The following SLFN12 variants were observed in gnomAD, a reference collection of about 807,000 sequenced individuals.
SLFN12 encodes ribonuclease SLFN12.
Under a neutral mutation model 29.1 loss-of-function variants are expected in SLFN12, and 25 were observed. The ratio of observed to expected loss-of-function variants is 0.86; its 90% CI spans 0.63 to 1.20. The LOEUF is 1.20. Among genes scored for constraint, SLFN12 ranks in the 50% most tolerant of loss-of-function variants. The pLI, the probability that SLFN12 is intolerant of heterozygous loss-of-function variation, is 0.00. For synonymous variants in SLFN12, 257 were observed against 238.7 expected (o/e 1.08, Z -0.71); for missense variants, 660 against 666.2 (o/e 0.99, Z 0.10).
chr17:35,415,900 T>C (rs1911284044), intron 3 of SLFN12, among the ~76,000 whole-genome samples: 1 of 152,200 alleles, frequency 6.6e-6, no homozygotes, highest in African/African-American at 2.4e-5. Context: ...TCTTTTATAC[T>C]GCTGGTGTGA....
Position 35,430,425 on chromosome 17 carries a change from T to C in SLFN12, c.-41+1763A>G, listed in dbSNP as rs1912244239. 2.0e-5 allele frequency: 3 copies of C among 152,256 alleles called. No homozygotes were observed. In the South Asian group the frequency reaches 6.2e-4, roughly 32 times the overall value. The allele number at this position is 152,256 out of a possible 1,614,324, so 9.4% of individuals were successfully genotyped here. A position where few individuals can be genotyped will look rare whatever the true frequency, so the allele number is the denominator to read the frequency against. ...CTTTTTGTTCAGGTTCTCACTTAGGTGAGAATGTAACCAAAACGTAAGGCC... is the reference window on the plus strand; with the variant it reads ...CTTTTTGTTCAGGTTCTCACTTAGGCGAGAATGTAACCAAAACGTAAGGCC... On this transcript the variant is annotated intron_variant, in intron 1 of 3. Transcript: ENST00000304905.
chr17:35,417,698 T>G (rs1341283519), intron 3 of SLFN12, among the ~76,000 whole-genome samples: 1 of 152,146 alleles, frequency 6.6e-6, no homozygotes, highest in Non-Finnish European at 1.5e-5. Context: ...AAACATTTTA[T>G]GATCTGCATA....
chr17:35,431,348 C>T (rs939528682), intron 1 of SLFN12, among the ~76,000 whole-genome samples: 22 of 152,102 alleles, frequency 1.4e-4, no homozygotes, highest in African/African-American at 5.3e-4. Context: ...ACACTTTAAC[C>T]CGACACAACC....
At chr17:35,418,295 T>A in intron 3 of SLFN12, among the ~76,000 whole-genome samples, 1 of 152,096 alleles carries the variant, frequency 6.6e-6, no homozygotes, top group Admixed American at 6.5e-5. Context: ...AGTTGACCCT[T>A]GAACAACATG....
intron 3 of SLFN12, among the ~76,000 whole-genome samples, chr17:35,414,810 G>C (rs1334857525): frequency 2.6e-5 from 4 of 152,016 alleles, no homozygotes; most frequent in African/African-American, 9.7e-5. Context: ...ACCTAGACAA[G>C]GAGGTGAAAG....
At chr17:35,420,928 C>T (rs927424136) in intron 2 of SLFN12, 1 of 152,276 alleles carries the variant, frequency 6.6e-6, no homozygotes, top group African/African-American at 2.4e-5. Flanking sequence ...GAAAGGGACG[C>T]CAGGCATGGT....
Position 35,411,933 on chromosome 17 carries a change from T to A in SLFN12, c.1148-6A>T, listed in dbSNP as rs1911052184. The A allele has an allele frequency of 6.5e-7, 1 of 1,537,754 alleles. No homozygotes were observed. Among genetic ancestry groups the A allele is most frequent in the African/African-American group, 1.4e-5 (1 of 72,362 alleles). ...CGTTATCCTTCCTGATAGCCCTGAA[T>A]AAGGAAATAATAATAATAAATTATA... On this transcript the variant is annotated splice_region_variant and splice_polypyrimidine_tract_variant and intron_variant, in intron 3 of 3. Transcript: ENST00000304905.
At chr17:35,413,292 G>A (rs1360998235) in intron 3 of SLFN12, among the ~76,000 whole-genome samples, 1 of 151,842 alleles carries the variant, frequency 6.6e-6, no homozygotes, top group Admixed American at 6.6e-5. Flanking sequence ...TGAAGAGGAG[G>A]AAATACTTCC....
upstream of SLFN12, chr17:35,432,820 G>A (rs1188344817): frequency 1.3e-5 from 2 of 152,016 alleles, no homozygotes; most frequent in South Asian, 2.1e-4. Flanking sequence ...TGTTACCAGT[G>A]CCCCACCTCC....
chr17:35,418,624 A>G lies in SLFN12; in HGVS notation c.1147+1650T>C, dbSNP rs568634109. On this transcript the variant is annotated intron_variant, in intron 3 of 3. Coordinates refer to ENST00000304905, the MANE Select transcript of SLFN12 (RefSeq NM_018042.5). ...GTTATTGGTAAGGCTTTGGGTCAAA[A>G]GTAAGCTATTAGTAGTTAACTTTTT... 2.0e-4 allele frequency among the ~76,000 whole-genome samples: 30 copies of G among 152,256 alleles called. No homozygotes were observed. The East Asian group carries it at 5.8e-3, about 29-fold the overall frequency.
chr17:35,425,538 C>T (rs193281013), intron 1 of SLFN12, among the ~76,000 whole-genome samples: 2 of 152,146 alleles, frequency 1.3e-5, no homozygotes, highest in African/African-American at 2.4e-5. Context: ...CTCTACTTGG[C>T]TTATTTCACT....
chr17:35,425,098 G>C (rs1911918046), intron 1 of SLFN12, among the ~76,000 whole-genome samples: 1 of 151,792 alleles, frequency 6.6e-6, no homozygotes, highest in South Asian at 2.1e-4. Context: ...GACCAGCCTA[G>C]ACAACAAAAC....
intron 3 of SLFN12, among the ~76,000 whole-genome samples, chr17:35,413,861 T>A (rs1597761992): frequency 6.6e-6 from 1 of 152,044 alleles, no homozygotes; most frequent in South Asian, 2.1e-4. Context: ...TATACCACAT[T>A]AATAAAATGA....
Position 35,411,493 on chromosome 17 carries a change from T to C in SLFN12, c.1582A>G (p.Lys528Glu), listed in dbSNP as rs1243786240. Residue 528 changes from lysine to glutamate, a missense_variant, in exon 4 of 4, where the codon AAA (lysine) becomes GAA (glutamate). Lys to Glu is a moderately conservative substitution (Grantham distance 56). Transcript: ENST00000304905. The part of the protein sequence containing the change: ...YPESYYFTRR[K>E]YLLKALFKAL... ...TTAAAAAGGGCTTTCAGCAAGTATT[T>C]CCTTCTTGTAAAATAGTAGGATTCA... The C allele has an allele frequency of 6.2e-7, 1 of 1,613,942 alleles. No homozygotes were observed. The highest frequency in any genetic ancestry group is 8.5e-7 in the Non-Finnish European group (1 of 1,179,996).
intron 3 of SLFN12, among the ~76,000 whole-genome samples, chr17:35,419,937 GT>G (rs1168569087): frequency 2.6e-5 from 4 of 152,076 alleles, no homozygotes; most frequent in Non-Finnish European, 2.9e-5. Flanking sequence ...TACTGATGGC[GT>G]TTCTTCAGTA....
At chr17:35,417,842 A>G (rs1911402842) in intron 3 of SLFN12, among the ~76,000 whole-genome samples, 2 of 152,052 alleles carry the variant, frequency 1.3e-5, no homozygotes, top group South Asian at 4.1e-4. Flanking sequence ...AAACAAGAAA[A>G]TGGAACTTTT....
At chr17:35,431,235 C>A (rs1162510467) in intron 1 of SLFN12, among the ~76,000 whole-genome samples, 1 of 152,088 alleles carries the variant, frequency 6.6e-6, no homozygotes, top group East Asian at 1.9e-4. Flanking sequence ...ACAACTTTAG[C>A]AATTTATAAG....
chr17:35,417,894 GACATAAGTGTAATAAAAGATGT>G (rs1911409302), intron 3 of SLFN12, among the ~76,000 whole-genome samples: 1 of 151,834 alleles, frequency 6.6e-6, no homozygotes, highest in Admixed American at 6.6e-5. Flanking sequence ...AAGGAACCTA[GACATAAGTGTAATAAAAGATGT>G]ACAAAATGTG....
At position 35,430,208 on chromosome 17, in the gene SLFN12, G is replaced by A. The variant is rs557724765; in HGVS notation, c.-41+1980C>T. 7.9e-5 allele frequency among the ~76,000 whole-genome samples: 12 copies of A among 152,134 alleles called. No homozygotes were observed. In the South Asian group the frequency reaches 1.9e-3, roughly 24 times the overall value. ...GCTACAGAGACAGGAAAGTGTTACC[G>A]GTGGAGGGTGTCCTGCTCACTGAAA... On this transcript the variant is annotated intron_variant, in intron 1 of 3. Transcript: ENST00000304905.
Sources: allele counts gnomAD v4.1 joint callset (sites outside exome capture counted in the v4.1 genomes callset), GRCh38; gene constraint gnomAD v4.1.1; transcripts MANE v1.5; gene names NCBI Gene and HGNC (gene_info 2026-07-23, HGNC 2026-07-21).